The following STK39 variants were observed in gnomAD, a reference collection of about 807,000 sequenced individuals.
STK39 encodes the protein STE20/SPS1-related proline-alanine-rich protein kinase.
In STK39, 20 loss-of-function variants were observed where a neutral mutation model predicts 77.8. That is an observed-to-expected ratio of 0.26 (90% confidence interval 0.18 to 0.37). The LOEUF is 0.37. Among genes scored for constraint, STK39 ranks in the 10% least tolerant of loss-of-function variants. STK39 has a pLI of 1.00. For missense variants in STK39, 479 were observed against 656.5 expected, an observed-to-expected ratio of 0.73 and a Z score of 2.95; for synonymous variants, 246 against 234.1, an observed-to-expected ratio of 1.05 and a Z score of -0.47.
chr2:168,139,408 T>A (rs58684350), intron 7 of STK39, among the ~76,000 whole-genome samples: 49,299 of 144,160 alleles, frequency 0.34, 8,921 homozygotes, highest in African/African-American at 0.45. Context: ...TAAAAAAAAT[T>A]TATATATATA....
At chr2:168,186,613 C>G (rs1689215596) in intron 1 of STK39, among the ~76,000 whole-genome samples, 1 of 152,226 alleles carries the variant, frequency 6.6e-6, no homozygotes, top group Non-Finnish European at 1.5e-5. Context: ...TTCGACCTAA[C>G]TGCTATCTAG....
rs375772426 is a variant in STK39, at chr2:168,098,860, C to T, written c.1090-23629G>A. 6.6e-5 allele frequency among the ~76,000 whole-genome samples: 10 copies of T among 152,366 alleles called. No homozygotes were observed. In the East Asian group the frequency reaches 1.5e-3, roughly 24 times the overall value. On this transcript the variant is annotated intron_variant, in intron 10 of 17. Coordinates refer to ENST00000355999, the MANE Select transcript of STK39 (RefSeq NM_013233.3). Reference sequence around the variant, plus strand: ...TGGGTAGAACCTATTGTTCCCTCCCCGCCAATCTGGCGAAGCCTGTAACAA... The same window carrying T: ...TGGGTAGAACCTATTGTTCCCTCCCTGCCAATCTGGCGAAGCCTGTAACAA...
chr2:168,081,475 G>A (rs1686229448), intron 10 of STK39, among the ~76,000 whole-genome samples: 1 of 152,152 alleles, frequency 6.6e-6, no homozygotes, highest in Admixed American at 6.5e-5. Flanking sequence ...TACCCCCACT[G>A]TATCTAGGAA....
At chr2:168,202,762 A>C (rs550196703) in intron 1 of STK39, among the ~76,000 whole-genome samples, 4 of 136,822 alleles carry the variant, frequency 2.9e-5, no homozygotes, top group Admixed American at 7.5e-5. Flanking sequence ...TAGAGAGATT[A>C]AAAAAAAAAA....
intron 2 of STK39, among the ~76,000 whole-genome samples, chr2:168,168,784 A>G (rs1408536180): frequency 6.6e-6 from 1 of 152,220 alleles, no homozygotes; most frequent in Non-Finnish European, 1.5e-5. Context: ...CGAGGTCAGG[A>G]GTTCAAGACC....
intron 1 of STK39, among the ~76,000 whole-genome samples, chr2:168,191,809 A>G (rs1317275724): frequency 1.1e-4 from 16 of 152,210 alleles, no homozygotes; most frequent in Admixed American, 1.0e-3. Flanking sequence ...CGAAGATCTT[A>G]TTCAACAGGT....
At chr2:168,217,845 A>ATGGAGGACTGACTG (rs1257621941) in intron 1 of STK39, among the ~76,000 whole-genome samples, 1 of 152,242 alleles carries the variant, frequency 6.6e-6, no homozygotes, top group Non-Finnish European at 1.5e-5. Context: ...AGCCATGGAC[A>ATGGAGGACTGACTG]TGGAGGACTG....
intron 14 of STK39, among the ~76,000 whole-genome samples, chr2:168,028,892 A>G (rs1684767364): frequency 2.0e-5 from 3 of 152,200 alleles, no homozygotes; most frequent in Admixed American, 2.0e-4. Flanking sequence ...GGACCCAGAC[A>G]TCATGTCTTA....
At chr2:168,088,453 A>G (rs570107740) in intron 10 of STK39, among the ~76,000 whole-genome samples, 2 of 152,336 alleles carry the variant, frequency 1.3e-5, no homozygotes, top group South Asian at 2.1e-4. Context: ...TGCCTCTTCC[A>G]TGTGAAAAAG....
At chr2:168,135,438 G>A (rs1236376733) in intron 8 of STK39, among the ~76,000 whole-genome samples, 2 of 152,166 alleles carry the variant, frequency 1.3e-5, no homozygotes, top group East Asian at 1.9e-4. Context: ...CCATGCAGAT[G>A]TTGATAAAGT....
chr2:168,002,697 A>G (rs1405940445), intron 16 of STK39, among the ~76,000 whole-genome samples: 1 of 152,244 alleles, frequency 6.6e-6, no homozygotes, highest in African/African-American at 2.4e-5. Context: ...TGTCAAAGCA[A>G]GAATTCTATG....
At chr2:168,055,970 A>T (rs963709257) in intron 14 of STK39, among the ~76,000 whole-genome samples, 32 of 152,120 alleles carry the variant, frequency 2.1e-4, no homozygotes, top group Admixed American at 2.1e-3. Flanking sequence ...TGATAATTCA[A>T]TTTTTTTGAT....
At chr2:168,037,545 T>C (rs1684989194) in intron 14 of STK39, among the ~76,000 whole-genome samples, 1 of 152,110 alleles carries the variant, frequency 6.6e-6, no homozygotes, top group South Asian at 2.1e-4. Context: ...GGAACCAAAT[T>C]AAGTCTCCAG....
chr2:168,156,874 C>T (rs1688442090), intron 5 of STK39, among the ~76,000 whole-genome samples: 1 of 152,196 alleles, frequency 6.6e-6, no homozygotes, highest in African/African-American at 2.4e-5. Flanking sequence ...CAGAAGCTGA[C>T]TCCAGCGCTG....
rs114385906 is a variant in STK39 at position 168,075,046 on chromosome 2, C to T, written c.1213-35G>A. 7,980 of 1,612,396 alleles carry T rather than the reference C, an allele frequency of 4.9e-3. 361 individuals are homozygous for T. In the African/African-American group the frequency reaches 0.093, roughly 19 times the overall value. ...AATTATGTATCCATTAATATATATA[C>T]ACACACACAATCACAAAAATAAAAT... On this transcript the variant is annotated intron_variant, in intron 11 of 17. Coordinates refer to ENST00000355999, the MANE Select transcript of STK39 (RefSeq NM_013233.3).
chr2:168,239,669 C>T (rs1321884558), intron 1 of STK39, among the ~76,000 whole-genome samples: 7 of 152,350 alleles, frequency 4.6e-5, no homozygotes, highest in African/African-American at 1.7e-4. Flanking sequence ...GAGTATTTAT[C>T]CCCAAAACTC....
chr2:168,161,732 G>T, intron 5 of STK39, 55 bp downstream of exon 5: 1 of 1,277,090 alleles, frequency 7.8e-7, no homozygotes, highest in South Asian at 1.3e-5. Context: ...TACATTCCTT[G>T]AAACTGTAAC....
At chr2:168,157,843 T>C (rs1029431057) in intron 5 of STK39, among the ~76,000 whole-genome samples, 11 of 152,192 alleles carry the variant, frequency 7.2e-5, no homozygotes, top group Non-Finnish European at 4.4e-5. Context: ...TTACATAATG[T>C]AGTAGTAAGC....
At chr2:168,006,627 T>C (rs529730946) in intron 16 of STK39, among the ~76,000 whole-genome samples, 1 of 152,306 alleles carries the variant, frequency 6.6e-6, no homozygotes, top group African/African-American at 2.4e-5. Context: ...CCAGGCAAGA[T>C]AAGCAAATTT....
Sources: allele counts gnomAD v4.1 joint callset (sites outside exome capture counted in the v4.1 genomes callset), GRCh38; gene constraint gnomAD v4.1.1; transcripts MANE v1.5; gene names NCBI Gene and HGNC (gene_info 2026-07-23, HGNC 2026-07-21).